Variants in ABTB3 observed in about 807,000 individuals in gnomAD.
The protein encoded by ABTB3 is ankyrin repeat- and BTB/POZ domain-containing protein 3.
the ABTB3 span, chr12:107,320,746 C>A: frequency 2.2e-6 from 1 of 451,008 alleles, no homozygotes; most frequent in Non-Finnish European, 4.5e-6. Context: ...ATGGACAAAG[C>A]CCCCAATTCC....
the ABTB3 span, among the ~76,000 whole-genome samples, chr12:107,584,076 C>A: frequency 6.6e-6 from 1 of 152,200 alleles, no homozygotes; most frequent in African/African-American, 2.4e-5. Flanking sequence ...TAAACCATTT[C>A]TTTTAAAAAG....
chr12:107,653,201 T>C, the ABTB3 span, among the ~76,000 whole-genome samples: 512 of 152,246 alleles, frequency 3.4e-3, 4 homozygotes, highest in Non-Finnish European at 5.9e-3. Flanking sequence ...TGAATGACGC[T>C]CCTATTGCTT....
chr12:107,625,577 G>T, the ABTB3 span, among the ~76,000 whole-genome samples: 1 of 152,152 alleles, frequency 6.6e-6, no homozygotes, highest in Non-Finnish European at 1.5e-5. Flanking sequence ...GTAGGTGGGG[G>T]CAGGTAAGTG....
At chr12:107,329,132 C>G in the ABTB3 span, among the ~76,000 whole-genome samples, 1 of 152,178 alleles carries the variant, frequency 6.6e-6, no homozygotes. Flanking sequence ...GGCCCTCTGA[C>G]AAGTAGAACT....
chr12:107,657,503 C>T, the ABTB3 span: 1 of 1,613,450 alleles, frequency 6.2e-7, no homozygotes, highest in South Asian at 1.1e-5. Context: ...TCTCCACTCT[C>T]CACAGTTTCT....
chr12:107,622,933 G>A, the ABTB3 span, among the ~76,000 whole-genome samples: 1 of 152,136 alleles, frequency 6.6e-6, no homozygotes, highest in Admixed American at 6.5e-5. Context: ...CCACACATCT[G>A]CTTCTATGTT....
At chr12:107,376,827 G>A in the ABTB3 span, among the ~76,000 whole-genome samples, 3 of 152,212 alleles carry the variant, frequency 2.0e-5, no homozygotes, top group Non-Finnish European at 4.4e-5. Flanking sequence ...CAACCCTCGC[G>A]CTGAATGTGC....
the ABTB3 span, among the ~76,000 whole-genome samples, chr12:107,638,220 G>A: frequency 6.6e-6 from 1 of 152,132 alleles, no homozygotes; most frequent in Non-Finnish European, 1.5e-5. Context: ...GCTCTGTACT[G>A]ACAGAGAAAG....
At chr12:107,483,994 G>C in the ABTB3 span, among the ~76,000 whole-genome samples, 3 of 152,160 alleles carry the variant, frequency 2.0e-5, no homozygotes, top group Non-Finnish European at 2.9e-5. Context: ...GCTCAGCCAG[G>C]CTGTTTATTT....
chr12:107,632,024 C>A, the ABTB3 span, among the ~76,000 whole-genome samples: 1 of 152,296 alleles, frequency 6.6e-6, no homozygotes, highest in East Asian at 1.9e-4. Flanking sequence ...CCATTTGGAA[C>A]AAGCATGGCC....
the ABTB3 span, chr12:107,657,678 A>G: frequency 6.2e-7 from 1 of 1,614,226 alleles, no homozygotes; most frequent in Non-Finnish European, 8.5e-7. Context: ...ATCAGAATTC[A>G]GTCCATCCAC....
chr12:107,585,344 T>G, the ABTB3 span, among the ~76,000 whole-genome samples: 2 of 152,078 alleles, frequency 1.3e-5, no homozygotes, highest in Non-Finnish European at 2.9e-5. Context: ...AGTTTAGGGG[T>G]GGTAAGCTGC....
chr12:107,471,982 C>A, the ABTB3 span, among the ~76,000 whole-genome samples: 5 of 152,174 alleles, frequency 3.3e-5, no homozygotes, highest in African/African-American at 1.2e-4. Flanking sequence ...GTAACTGGAA[C>A]CTAGGGCCCC....
chr12:107,637,260 C>T, the ABTB3 span, among the ~76,000 whole-genome samples: 31 of 152,218 alleles, frequency 2.0e-4, no homozygotes, highest in South Asian at 8.3e-4. Context: ...GACGCAATGG[C>T]GCATGCCTAT....
chr12:107,399,304 T>C, the ABTB3 span, among the ~76,000 whole-genome samples: 1 of 152,200 alleles, frequency 6.6e-6, no homozygotes, highest in East Asian at 1.9e-4. Flanking sequence ...CCACAATGGT[T>C]GCTAGGATCG....
the ABTB3 span, among the ~76,000 whole-genome samples, chr12:107,529,222 TG>T: frequency 6.6e-6 from 1 of 150,752 alleles, no homozygotes; most frequent in South Asian, 2.1e-4. Flanking sequence ...GAGATGATGA[TG>T]GTGATGGTGA....
At chr12:107,654,741 T>C in the ABTB3 span, among the ~76,000 whole-genome samples, 1 of 151,992 alleles carries the variant, frequency 6.6e-6, no homozygotes, top group South Asian at 2.1e-4. Context: ...GGAAATATTT[T>C]CAATAATCCT....
At chr12:107,447,787 G>A in the ABTB3 span, among the ~76,000 whole-genome samples, 3 of 152,220 alleles carry the variant, frequency 2.0e-5, no homozygotes, top group Non-Finnish European at 4.4e-5. Context: ...GAAATCAGAG[G>A]TGCCAAGAAC....
At chr12:107,500,202 T>C in the ABTB3 span, among the ~76,000 whole-genome samples, 1 of 152,332 alleles carries the variant, frequency 6.6e-6, no homozygotes, top group Non-Finnish European at 1.5e-5. Flanking sequence ...CCTGCTGCGC[T>C]GAGGCCTGGC....
Sources: allele counts gnomAD v4.1 joint callset (sites outside exome capture counted in the v4.1 genomes callset), GRCh38; gene constraint gnomAD v4.1.1; transcripts MANE v1.5; gene names NCBI Gene and HGNC (gene_info 2026-07-23, HGNC 2026-07-21).